Variants in LRP1B observed in about 807,000 individuals in gnomAD.
The protein encoded by LRP1B is LDL receptor related protein 1B.
In LRP1B, 217 loss-of-function variants were observed where a neutral mutation model predicts 556.6. That is an observed-to-expected ratio of 0.39 (90% CI 0.35 to 0.44). The LOEUF is 0.44. Ranked by LOEUF, LRP1B falls within the 20% of genes least tolerant of loss-of-function variation. The probability of loss-of-function intolerance (pLI) is 1.00; values close to 1 mark genes in which losing one functional copy is unlikely to be tolerated. For synonymous variants in LRP1B, 2,047 were observed against 1,865.8 expected, an observed-to-expected ratio of 1.10 and a Z score of -2.50; for missense variants, 5,053 against 5,620.8, an observed-to-expected ratio of 0.90 and a Z score of 3.23.
intron 65 of LRP1B, among the ~76,000 whole-genome samples, chr2:140,443,012 A>C (rs1686496553): frequency 6.6e-6 from 1 of 152,178 alleles, no homozygotes; most frequent in African/African-American, 2.4e-5. Flanking sequence ...GAAGGCATTA[A>C]GTGAATAAGG....
intron 1 of LRP1B, among the ~76,000 whole-genome samples, chr2:142,004,619 G>T (rs1228706841): frequency 2.0e-5 from 3 of 152,212 alleles, no homozygotes; most frequent in East Asian, 3.9e-4. Context: ...GCTGAGGGGG[G>T]TGGATCACCC....
chr2:141,983,837 G>A (rs1263678305), intron 1 of LRP1B, among the ~76,000 whole-genome samples: 3 of 152,218 alleles, frequency 2.0e-5, no homozygotes, highest in Non-Finnish European at 4.4e-5. Context: ...AAGACGGGCA[G>A]ATCACCTGAG....
At chr2:140,985,855 TGTTA>T (rs150422000) in intron 17 of LRP1B, among the ~76,000 whole-genome samples, 4,956 of 152,032 alleles carry the variant, frequency 0.033, 176 homozygotes, top group African/African-American at 0.088. Flanking sequence ...TTTCTATATT[TGTTA>T]CAGATTTTTA....
At chr2:141,229,823 A>G (rs967066582) in intron 5 of LRP1B, among the ~76,000 whole-genome samples, 19 of 152,164 alleles carry the variant, frequency 1.2e-4, no homozygotes, top group African/African-American at 4.6e-4. Flanking sequence ...TGTTTTTTTG[A>G]GTCGAATGTA....
chr2:140,694,963 G>T (rs1319474846), intron 41 of LRP1B, among the ~76,000 whole-genome samples: 1 of 150,958 alleles, frequency 6.6e-6, no homozygotes, highest in Non-Finnish European at 1.5e-5. Flanking sequence ...TGGCCTCCTG[G>T]ATGTCCCTAT....
intron 3 of LRP1B, among the ~76,000 whole-genome samples, chr2:141,334,892 G>A (rs1385617238): frequency 6.6e-6 from 1 of 152,040 alleles, no homozygotes; most frequent in Non-Finnish European, 1.5e-5. Flanking sequence ...AAGAAATCAA[G>A]CTTACTGAGT....
intron 32 of LRP1B, among the ~76,000 whole-genome samples, chr2:140,786,034 C>G (rs1407059110): frequency 2.0e-5 from 3 of 152,176 alleles, no homozygotes; most frequent in African/African-American, 7.2e-5. Context: ...ACTGCCATTG[C>G]TAAGTGAACA....
chr2:141,115,657 GTTTT>G (rs759761315), intron 7 of LRP1B, among the ~76,000 whole-genome samples: 1 of 145,390 alleles, frequency 6.9e-6, no homozygotes, highest in African/African-American at 2.6e-5. Flanking sequence ...GTGTGTGTGT[GTTTT>G]TTAGTAGAGA....
chr2:141,289,922 G>C (rs1263069728), intron 3 of LRP1B, among the ~76,000 whole-genome samples: 2 of 152,048 alleles, frequency 1.3e-5, no homozygotes, highest in African/African-American at 4.8e-5. Flanking sequence ...TTCATTACAT[G>C]TGTGTTTATT....
chr2:140,887,813 G>T (rs115458840), intron 23 of LRP1B, among the ~76,000 whole-genome samples: 296 of 152,204 alleles, frequency 1.9e-3, no homozygotes, highest in African/African-American at 6.8e-3. Flanking sequence ...CATATTGCAT[G>T]ATTACATTTA....
intron 2 of LRP1B, among the ~76,000 whole-genome samples, chr2:141,794,676 T>A (rs566642680): frequency 1.3e-5 from 2 of 152,004 alleles, no homozygotes; most frequent in Admixed American, 6.6e-5. Flanking sequence ...TCTCCACACA[T>A]AACAGACTTT....
chr2:141,565,907 A>AT (rs548783923), intron 2 of LRP1B, among the ~76,000 whole-genome samples: 5 of 149,822 alleles, frequency 3.3e-5, no homozygotes, highest in East Asian at 2.0e-4. Context: ...ATTGAGCACC[A>AT]TTTTTTTTTG....
At chr2:141,359,500 G>C (rs1688742702) in intron 3 of LRP1B, among the ~76,000 whole-genome samples, 1 of 152,190 alleles carries the variant, frequency 6.6e-6, no homozygotes, top group African/African-American at 2.4e-5. Context: ...GCTCACATCT[G>C]TAATCCCAGC....
chr2:140,526,878 A>G (rs1690461159), intron 47 of LRP1B, among the ~76,000 whole-genome samples: 1 of 151,774 alleles, frequency 6.6e-6, no homozygotes, highest in Non-Finnish European at 1.5e-5. Context: ...ACAGAAACAA[A>G]GAGATGGGCA....
chr2:140,995,146 T>C (rs1388404382), intron 15 of LRP1B, among the ~76,000 whole-genome samples: 1 of 152,040 alleles, frequency 6.6e-6, no homozygotes, highest in Non-Finnish European at 1.5e-5. Context: ...GCTGCAGCTC[T>C]AAAACTAGTT....
At chr2:141,153,968 C>A (rs1260827823) in intron 7 of LRP1B, among the ~76,000 whole-genome samples, 1 of 151,646 alleles carries the variant, frequency 6.6e-6, no homozygotes, top group African/African-American at 2.4e-5. Flanking sequence ...CAGTCTTCCT[C>A]TCTGAGAATA....
At chr2:141,104,281 A>G (rs1700549107) in intron 7 of LRP1B, among the ~76,000 whole-genome samples, 1 of 152,058 alleles carries the variant, frequency 6.6e-6, no homozygotes, top group African/African-American at 2.4e-5. Flanking sequence ...TTAAAATAAT[A>G]GTAACATAGC....
chr2:141,871,151 T>C (rs1698574067), intron 1 of LRP1B, among the ~76,000 whole-genome samples: 1 of 151,974 alleles, frequency 6.6e-6, no homozygotes, highest in Non-Finnish European at 1.5e-5. Context: ...AAGTTTGACA[T>C]TCACCAATCC....
At chr2:140,558,999 A>G (rs1191232904) in intron 43 of LRP1B, among the ~76,000 whole-genome samples, 2 of 152,182 alleles carry the variant, frequency 1.3e-5, no homozygotes, top group African/African-American at 4.8e-5. Flanking sequence ...AAGTAAGGAA[A>G]TATAAGTATA....
Sources: allele counts gnomAD v4.1 joint callset (sites outside exome capture counted in the v4.1 genomes callset), GRCh38; gene constraint gnomAD v4.1.1; transcripts MANE v1.5; gene names NCBI Gene and HGNC (gene_info 2026-07-23, HGNC 2026-07-21).